PPARGC1B: variants seen among roughly 807,000 people sequenced by gnomAD.
PPARGC1B encodes the protein peroxisome proliferator-activated receptor gamma coactivator 1-beta.
A neutral mutation model predicts 101.6 loss-of-function variants in PPARGC1B; 34 were observed. The ratio of observed to expected loss-of-function variants is 0.33; its 90% CI spans 0.25 to 0.45. The LOEUF is 0.45. PPARGC1B is among the 20% of genes least tolerant of loss of function. The pLI is 1.00. For missense variants in PPARGC1B, 1,234 were observed against 1,317.6 expected (o/e 0.94, Z 0.98); for synonymous variants, 548 against 539.3 (o/e 1.02, Z -0.22).
At chr5:149,749,539 A>G (rs1755212130) in intron 1 of PPARGC1B, among the ~76,000 whole-genome samples, 1 of 152,206 alleles carries the variant, frequency 6.6e-6, no homozygotes, top group Non-Finnish European at 1.5e-5. Context: ...CGGAATTGCC[A>G]CATCTCGCCA....
chr5:149,772,041 C>T (rs983179183), intron 1 of PPARGC1B: 98 of 1,503,060 alleles, frequency 6.5e-5, no homozygotes, highest in Non-Finnish European at 8.2e-5. Flanking sequence ...CCAACTTAGA[C>T]GTGCCAGGCT....
chr5:149,778,329 G>A (rs1756471727), intron 1 of PPARGC1B, among the ~76,000 whole-genome samples: 1 of 152,014 alleles, frequency 6.6e-6, no homozygotes, highest in Non-Finnish European at 1.5e-5. Context: ...CCGCCAGTCT[G>A]CAACTCCGTG....
intron 1 of PPARGC1B, among the ~76,000 whole-genome samples, chr5:149,756,405 T>C (rs1287367230): frequency 1.3e-5 from 2 of 152,062 alleles, no homozygotes; most frequent in Admixed American, 6.6e-5. Flanking sequence ...TGAGCCAAGA[T>C]TGCGGCACTG....
chr5:149,736,931 A>G (rs1156300482), intron 1 of PPARGC1B, among the ~76,000 whole-genome samples: 2 of 152,048 alleles, frequency 1.3e-5, no homozygotes, highest in African/African-American at 4.8e-5. Flanking sequence ...TTGACACATC[A>G]TTGCCACCCC....
intron 1 of PPARGC1B, among the ~76,000 whole-genome samples, chr5:149,805,792 T>C (rs959981032): frequency 1.3e-5 from 2 of 152,250 alleles, no homozygotes; most frequent in East Asian, 3.8e-4. Flanking sequence ...AATAGGAATA[T>C]GATGGGTTGC....
intron 1 of PPARGC1B, among the ~76,000 whole-genome samples, chr5:149,768,542 C>G (rs1203681571): frequency 6.7e-6 from 1 of 149,368 alleles, no homozygotes; most frequent in Non-Finnish European, 1.5e-5. Flanking sequence ...CTCTCAGGTT[C>G]AAGCGATTCT....
At chr5:149,739,095 T>A (rs1377986039) in intron 1 of PPARGC1B, among the ~76,000 whole-genome samples, 3 of 152,222 alleles carry the variant, frequency 2.0e-5, no homozygotes, top group African/African-American at 4.8e-5. Flanking sequence ...TCAGGTTCTC[T>A]GAAAGAACTT....
At chr5:149,845,663 A>G (rs1759520420) in intron 10 of PPARGC1B, 97 bp from the exon 11 acceptor site, 1 of 1,308,812 alleles carries the variant, frequency 7.6e-7, no homozygotes, top group African/African-American at 1.5e-5. Context: ...TGGGTATCGA[A>G]TCACTGTGGC....
chr5:149,787,218 T>C (rs189129788), intron 1 of PPARGC1B, among the ~76,000 whole-genome samples: 79 of 152,340 alleles, frequency 5.2e-4, no homozygotes, highest in Admixed American at 1.1e-3. Flanking sequence ...ATTGTCTGGA[T>C]TGGGGGCACA....
At chr5:149,758,436 A>G (rs1755611737) in intron 1 of PPARGC1B, among the ~76,000 whole-genome samples, 1 of 152,218 alleles carries the variant, frequency 6.6e-6, no homozygotes, top group South Asian at 2.1e-4. Context: ...CTGGGAAGAG[A>G]AGAGGCAGAC....
intron 1 of PPARGC1B, chr5:149,772,229 C>T (rs551644574): frequency 3.6e-5 from 57 of 1,575,206 alleles, no homozygotes; most frequent in Admixed American, 1.9e-4. Context: ...GACATGCTGC[C>T]GGGAGGGTGT....
At chr5:149,756,944 C>T (rs1755549455) in intron 1 of PPARGC1B, among the ~76,000 whole-genome samples, 1 of 152,176 alleles carries the variant, frequency 6.6e-6, no homozygotes, top group Admixed American at 6.5e-5. Flanking sequence ...GTTTCCTTCT[C>T]ATCCAACCCC....
intron 9 of PPARGC1B, 101 bp downstream of exon 9, chr5:149,840,217 C>A: frequency 9.0e-7 from 1 of 1,107,952 alleles, no homozygotes; most frequent in Non-Finnish European, 1.3e-6. Flanking sequence ...CTGGTGAGCC[C>A]CTCAGTCTTC....
chr5:149,755,044 T>C (rs1364045725), intron 1 of PPARGC1B, among the ~76,000 whole-genome samples: 1 of 86,962 alleles, frequency 1.1e-5, no homozygotes, highest in Admixed American at 1.3e-4. Flanking sequence ...CATATACATA[T>C]ACATATACAT....
At chr5:149,755,216 T>A (rs927341226) in intron 1 of PPARGC1B, among the ~76,000 whole-genome samples, 1 of 151,458 alleles carries the variant, frequency 6.6e-6, no homozygotes, top group Non-Finnish European at 1.5e-5. Context: ...GCCTAGAACA[T>A]CCTGATTTTT....
chr5:149,855,125 C>CA (rs1486820162), downstream of PPARGC1B: 1 of 152,188 alleles, frequency 6.6e-6, no homozygotes, highest in African/African-American at 2.4e-5. Flanking sequence ...GTCACCTTCT[C>CA]AGATAAGACC....
chr5:149,744,962 G>C (rs149442983), intron 1 of PPARGC1B, among the ~76,000 whole-genome samples: 1 of 149,124 alleles, frequency 6.7e-6, no homozygotes, highest in Non-Finnish European at 1.5e-5. Flanking sequence ...AAGCTGGTGC[G>C]ATCAAGGAGG....
intron 1 of PPARGC1B, among the ~76,000 whole-genome samples, chr5:149,753,694 T>G (rs1215558343): frequency 6.6e-6 from 1 of 151,928 alleles, no homozygotes. Context: ...TATTTATTTA[T>G]TTAGTTAGAT....
chr5:149,857,246 C>A (rs908385125), downstream of PPARGC1B, among the ~76,000 whole-genome samples: 8 of 152,222 alleles, frequency 5.3e-5, no homozygotes, highest in African/African-American at 1.7e-4. Context: ...GTACCTAGGA[C>A]ATGGTAAGTA....
Sources: allele counts gnomAD v4.1 joint callset (sites outside exome capture counted in the v4.1 genomes callset), GRCh38; gene constraint gnomAD v4.1.1; transcripts MANE v1.5; gene names NCBI Gene and HGNC (gene_info 2026-07-23, HGNC 2026-07-21).